NEGR1: variants seen among roughly 807,000 people sequenced by gnomAD.
NEGR1 encodes the protein IgLON family member 4.
A neutral mutation model predicts 40.9 loss-of-function variants in NEGR1; 10 were observed. That is an observed-to-expected ratio of 0.24 (90% confidence interval 0.15 to 0.42). The LOEUF is 0.42. Ranked by LOEUF, NEGR1 falls within the 10% of genes least tolerant of loss-of-function variation. The probability of loss-of-function intolerance (pLI) is 1.00; values close to 1 mark genes in which losing one functional copy is unlikely to be tolerated. For synonymous variants in NEGR1, 185 were observed against 166.8 expected (o/e 1.11, Z -0.84); for missense variants, 352 against 438.9 (o/e 0.80, Z 1.77).
chr1:72,199,154 G>C lies in NEGR1; in HGVS notation c.176+83165C>G, dbSNP rs1178865597. 1.0e-4 allele frequency among the ~76,000 whole-genome samples: 13 copies of C among 127,260 alleles called. No individual in the cohort carries two copies. In the South Asian group the frequency reaches 1.4e-3, roughly 14 times the overall value. 83.5% of individuals were successfully genotyped at this position (127,260 alleles called of 152,430 possible). A position where few individuals can be genotyped will look rare whatever the true frequency, so the allele number is the denominator to read the frequency against. Reference sequence around the variant, plus strand: ...AGATCTATCTAGATAGACAGACAGAGAGAGAGAGAGAGAGAGAGAGAGAGA... The same window carrying C: ...AGATCTATCTAGATAGACAGACAGACAGAGAGAGAGAGAGAGAGAGAGAGA... On this transcript the variant is annotated intron_variant, in intron 1 of 6. Coordinates refer to ENST00000357731, the MANE Select transcript of NEGR1 (RefSeq NM_173808.3).
At chr1:71,530,689 T>C (rs935998228) in intron 6 of NEGR1, among the ~76,000 whole-genome samples, 1 of 151,378 alleles carries the variant, frequency 6.6e-6, no homozygotes, top group Non-Finnish European at 1.5e-5. Flanking sequence ...TAGACTATTT[T>C]TCACACATTC....
At chr1:71,762,850 A>G (rs1425357960) in intron 3 of NEGR1, among the ~76,000 whole-genome samples, 2 of 152,168 alleles carry the variant, frequency 1.3e-5, no homozygotes, top group African/African-American at 4.8e-5. Context: ...ATTCTAAGCC[A>G]AAACATCATT....
chr1:71,686,822 G>A (rs895967998), intron 4 of NEGR1, among the ~76,000 whole-genome samples: 1 of 152,178 alleles, frequency 6.6e-6, no homozygotes, highest in African/African-American at 2.4e-5. Context: ...ATTCATGAGA[G>A]ACTGCATCCT....
chr1:71,728,868 GA>G (rs1448554389), intron 3 of NEGR1, among the ~76,000 whole-genome samples: 1 of 152,108 alleles, frequency 6.6e-6, no homozygotes, highest in Non-Finnish European at 1.5e-5. Context: ...ACCTGGGAGG[GA>G]AATTTGATGG....
chr1:72,054,951 A>G (rs1399950993), intron 1 of NEGR1, among the ~76,000 whole-genome samples: 4 of 151,116 alleles, frequency 2.6e-5, no homozygotes, highest in African/African-American at 9.7e-5. Flanking sequence ...TTCATGTGCA[A>G]GCGCATTCAA....
chr1:72,094,798 C>T (rs764733671), intron 1 of NEGR1, among the ~76,000 whole-genome samples: 10 of 152,068 alleles, frequency 6.6e-5, no homozygotes, highest in Non-Finnish European at 1.5e-4. Context: ...TTTGTTAACA[C>T]TAATTACAGT....
At chr1:72,027,591 C>T (rs993722162) in intron 1 of NEGR1, among the ~76,000 whole-genome samples, 5 of 152,104 alleles carry the variant, frequency 3.3e-5, no homozygotes, top group African/African-American at 1.2e-4. Flanking sequence ...GCCAGAACGA[C>T]ATAATTTGCA....
intron 1 of NEGR1, among the ~76,000 whole-genome samples, chr1:72,060,636 T>C (rs1448068999): frequency 6.6e-6 from 1 of 151,658 alleles, no homozygotes; most frequent in Non-Finnish European, 1.5e-5. Flanking sequence ...AGAATGCTCT[T>C]TTAAAATTGG....
At chr1:71,606,733 G>T (rs570855351) in intron 5 of NEGR1, among the ~76,000 whole-genome samples, 2 of 149,244 alleles carry the variant, frequency 1.3e-5, no homozygotes, top group South Asian at 4.2e-4. Flanking sequence ...AGAATTCAAA[G>T]AAACTGGAAA....
chr1:71,906,631 T>C (rs533282088), intron 2 of NEGR1, among the ~76,000 whole-genome samples: 2 of 151,882 alleles, frequency 1.3e-5, no homozygotes, highest in East Asian at 3.9e-4. Context: ...ATGAAAGAGT[T>C]TAAAATAGTG....
At chr1:71,682,921 T>A (rs941685270) in intron 4 of NEGR1, among the ~76,000 whole-genome samples, 2 of 152,166 alleles carry the variant, frequency 1.3e-5, no homozygotes, top group East Asian at 3.9e-4. Flanking sequence ...CTTTGACTTC[T>A]GCCATGAGTG....
At chr1:72,007,508 A>C (rs1258986685) in intron 1 of NEGR1, among the ~76,000 whole-genome samples, 2 of 152,132 alleles carry the variant, frequency 1.3e-5, no homozygotes, top group Non-Finnish European at 2.9e-5. Flanking sequence ...GAAGAAGGTC[A>C]TTTCTGACTT....
chr1:71,567,636 G>T (rs919970499), intron 6 of NEGR1, among the ~76,000 whole-genome samples: 2 of 151,932 alleles, frequency 1.3e-5, no homozygotes, highest in Admixed American at 6.6e-5. Flanking sequence ...ATTCATTCTA[G>T]ATTTCATCTT....
chr1:71,596,407 C>A (rs1238568526), intron 5 of NEGR1, among the ~76,000 whole-genome samples: 2 of 152,178 alleles, frequency 1.3e-5, no homozygotes, highest in Non-Finnish European at 2.9e-5. Context: ...CTAACTAGTT[C>A]TGAATTAGAA....
chr1:71,774,050 T>C (rs1447284020), intron 3 of NEGR1, among the ~76,000 whole-genome samples: 2 of 152,358 alleles, frequency 1.3e-5, no homozygotes, highest in African/African-American at 2.4e-5. Flanking sequence ...CCTGGAAAGA[T>C]GATTAAGAAT....
intron 1 of NEGR1, among the ~76,000 whole-genome samples, chr1:72,147,820 C>T (rs1033384500): frequency 1.6e-4 from 25 of 152,086 alleles, no homozygotes; most frequent in Non-Finnish European, 2.4e-4. Flanking sequence ...AGTCTGAAAT[C>T]CAGCGGGGCA....
intron 1 of NEGR1, among the ~76,000 whole-genome samples, chr1:72,199,389 A>T (rs1176546699): frequency 1.3e-5 from 2 of 152,062 alleles, no homozygotes; most frequent in African/African-American, 4.8e-5. Context: ...AAATATGGGC[A>T]TTGAGGACAA....
At chr1:71,858,479 C>T (rs575286565) in intron 2 of NEGR1, among the ~76,000 whole-genome samples, 1 of 152,074 alleles carries the variant, frequency 6.6e-6, no homozygotes, top group South Asian at 2.1e-4. Context: ...TGGAACCTTG[C>T]TAATTCATGA....
intron 6 of NEGR1, among the ~76,000 whole-genome samples, chr1:71,554,976 T>C (rs1648208704): frequency 6.6e-6 from 1 of 151,586 alleles, no homozygotes; most frequent in Admixed American, 6.6e-5. Flanking sequence ...GGTCTTACTT[T>C]TTTTCCATCC....
Sources: gnomAD v4.1 joint callset for allele counts (sites outside exome capture counted in the v4.1 genomes callset) on GRCh38, gnomAD v4.1.1 for gene constraint, MANE v1.5 for transcripts, NCBI Gene and HGNC (gene_info 2026-07-23, HGNC 2026-07-21) for gene names.